LRPPRC: variants seen among roughly 807,000 people sequenced by gnomAD.
The protein encoded by LRPPRC is leucine rich pentatricopeptide repeat containing, also known as leucine-rich PPR motif-containing protein, mitochondrial.
A neutral mutation model predicts 180.3 loss-of-function variants in LRPPRC; 120 were observed. The ratio of observed to expected loss-of-function variants is 0.67; its 90% confidence interval spans 0.57 to 0.77. The LOEUF is 0.77. Among genes scored for constraint, LRPPRC ranks in the 30% least tolerant of loss-of-function variants. LRPPRC has a pLI of 0.00. For synonymous variants in LRPPRC, 723 were observed against 600.0 expected (o/e 1.21, Z -3.00); for missense variants, 2,012 against 1,657.2 (o/e 1.21, Z -3.72).
intron 23 of LRPPRC, among the ~76,000 whole-genome samples, chr2:43,942,958 C>T (rs1672538000): frequency 6.6e-6 from 1 of 151,912 alleles, no homozygotes; most frequent in African/African-American, 2.4e-5. Flanking sequence ...CCAGTGCAGT[C>T]TCCATGTAAT....
At chr2:43,922,754 T>C (rs1671743327) in intron 27 of LRPPRC, among the ~76,000 whole-genome samples, 1 of 152,108 alleles carries the variant, frequency 6.6e-6, no homozygotes, top group African/African-American at 2.4e-5. Context: ...ATTCATATCT[T>C]ATGTTCCATT....
rs59338949 is a variant in LRPPRC at position 43,950,421 on chromosome 2, C to T, written c.1677+152G>A. 0.13 allele frequency: 93,438 copies of T among 692,868 alleles called. 8,349 individuals are homozygous for T. The highest frequency in any genetic ancestry group is 0.33 in the African/African-American group (18,266 of 55,576). 42.9% of individuals were successfully genotyped at this position (692,868 alleles called of 1,614,324 possible). A position where few individuals can be genotyped will look rare whatever the true frequency, so the allele number is the denominator to read the frequency against. ...TTGGATTCACAAACACTAAAAGACA[C>T]ACATAACTATTATTTTTCAACATTA... is the stretch of plus-strand genomic sequence containing the variant. On this transcript the variant is annotated intron_variant, in intron 15 of 37. Coordinates refer to ENST00000260665, the MANE Select transcript of LRPPRC (RefSeq NM_133259.4).
At position 43,914,526 on chromosome 2, in the gene LRPPRC, G is replaced by A. The variant is rs1286502622; in HGVS notation, c.3149-1968C>T. ...GAGGATCACTTGAGGTTGGGAGTTC[G>A]ACACCAGCCTAGACAACGTAGTGAA... On this transcript the variant is annotated intron_variant, in intron 29 of 37. Coordinates refer to ENST00000260665, the MANE Select transcript of LRPPRC (RefSeq NM_133259.4). Among the ~76,000 whole-genome samples the A allele has an allele frequency of 5.9e-5, 9 of 151,694 alleles. No homozygotes were observed. In the East Asian group the frequency reaches 1.6e-3, roughly 26 times the overall value.
intron 22 of LRPPRC, 44 bp downstream of exon 22, chr2:43,945,288 C>T (rs376033765): frequency 4.8e-6 from 6 of 1,247,820 alleles, no homozygotes; most frequent in Non-Finnish European, 7.1e-6. Flanking sequence ...ATTCCAGTGG[C>T]AAGATACTTG....
At chr2:43,928,302 C>A (rs115385571) in intron 25 of LRPPRC, among the ~76,000 whole-genome samples, 2,102 of 152,220 alleles carry the variant, frequency 0.014, 43 homozygotes, top group African/African-American at 0.047. Flanking sequence ...CCATAAAAAG[C>A]TTATCATAAG....
chr2:43,909,541 T>C (rs1033582096), intron 30 of LRPPRC, among the ~76,000 whole-genome samples: 3 of 151,824 alleles, frequency 2.0e-5, no homozygotes, highest in Non-Finnish European at 4.4e-5. Context: ...CAGCTAACAA[T>C]ACTGTATTTA....
intron 1 of LRPPRC, 167 bp downstream of exon 1, chr2:43,995,632 C>CCA: frequency 1.6e-6 from 1 of 610,434 alleles, no homozygotes; most frequent in South Asian, 4.0e-5. Flanking sequence ...TTAACCCTGT[C>CCA]ACCCGAAAAC....
chr2:43,900,866 C>A (rs1185987965), intron 32 of LRPPRC, among the ~76,000 whole-genome samples: 1 of 152,074 alleles, frequency 6.6e-6, no homozygotes. Flanking sequence ...CTAAATACCT[C>A]CCTTTTTGTG....
In LRPPRC at chr2:43,929,245, C is replaced by T. The variant is rs115491541; in HGVS notation, c.2737-3284G>A. Among the ~76,000 whole-genome samples, 632 of 152,222 alleles carry T rather than the reference C, an allele frequency of 4.2e-3. 6 individuals carry two copies. Among genetic ancestry groups the T allele is most frequent in the African/African-American group, 0.014 (590 of 41,542 alleles). ...AGCACTTCCAGCATCACTAGTGATACTGTGTATGGATGTCATGGTGTTATT... is the reference window on the plus strand; with the variant it reads ...AGCACTTCCAGCATCACTAGTGATATTGTGTATGGATGTCATGGTGTTATT... On this transcript the variant is annotated intron_variant, in intron 25 of 37. Transcript: ENST00000260665.
At chr2:43,994,372 T>C in intron 1 of LRPPRC, among the ~76,000 whole-genome samples, 1 of 152,284 alleles carries the variant, frequency 6.6e-6, no homozygotes, top group South Asian at 2.1e-4. Context: ...TCCATGAAGG[T>C]CCGCATAACC....
At chr2:43,946,719 A>G (rs1437453586) in intron 20 of LRPPRC, among the ~76,000 whole-genome samples, 1 of 152,100 alleles carries the variant, frequency 6.6e-6, no homozygotes, top group Non-Finnish European at 1.5e-5. Context: ...CTAAAACTAC[A>G]AGTTTATGGC....
intron 1 of LRPPRC, among the ~76,000 whole-genome samples, 198 bp downstream of exon 1, chr2:43,995,601 G>C (rs1468877517): frequency 6.6e-6 from 1 of 152,232 alleles, no homozygotes; most frequent in East Asian, 1.9e-4. Context: ...CATGCCCACA[G>C]CCGTGACCTT....
intron 14 of LRPPRC, among the ~76,000 whole-genome samples, chr2:43,953,538 T>G (rs1672987330): frequency 6.6e-6 from 1 of 152,072 alleles, no homozygotes; most frequent in Non-Finnish European, 1.5e-5. Context: ...AACTTTAAAG[T>G]GGAAAGTTAA....
At chr2:43,926,824 G>A (rs527874417) in intron 25 of LRPPRC, among the ~76,000 whole-genome samples, 4 of 152,266 alleles carry the variant, frequency 2.6e-5, no homozygotes, top group Admixed American at 6.5e-5. Context: ...AATGCTTTGC[G>A]AACTTCACAG....
intron 1 of LRPPRC, among the ~76,000 whole-genome samples, chr2:43,987,442 C>G (rs907133070): frequency 6.9e-6 from 1 of 145,754 alleles, no homozygotes; most frequent in Non-Finnish European, 1.5e-5. Flanking sequence ...TTGCAGTGAG[C>G]CGAGATAGCG....
Position 43,934,802 on chromosome 2 carries a change from C to T in LRPPRC, c.2581G>A (p.Val861Ile), listed in dbSNP as rs1558967147. 5 of 1,610,796 alleles carry T rather than the reference C, an allele frequency of 3.1e-6. No homozygotes were observed. The highest frequency in any genetic ancestry group is 3.4e-6 in the Non-Finnish European group (4 of 1,177,048). ...CCTTTCTCTACCAGTTTACACAAGA[C>T]ATCATGAATCCTTGGTAATACTTTA... ...KYKVLPRIHD[V>I]LCKLVEKGET... Residue 861 changes from valine (V) to isoleucine (I), a missense_variant, in exon 24 of 38, where the codon GTC becomes ATC. By Grantham distance (29) the Val-to-Ile change is conservative. Coordinates refer to ENST00000260665, the MANE Select transcript of LRPPRC (RefSeq NM_133259.4).
At position 43,973,589 on chromosome 2, in the gene LRPPRC, T is replaced by A; in HGVS notation, c.1369+18A>T. The stretch of plus-strand genomic sequence containing the variant: ...GGCTCTGGGAACCATTACAAATCGG[T>A]AAAAGGCAAAATCTAACCTTGAACA... On this transcript the variant is annotated intron_variant, in intron 11 of 37. Coordinates refer to ENST00000260665, the MANE Select transcript of LRPPRC (RefSeq NM_133259.4). The A allele has an allele frequency of 6.4e-7, 1 of 1,562,152 alleles. No individual in the cohort carries two copies. The highest frequency in any genetic ancestry group is 1.4e-5 in the African/African-American group (1 of 74,006).
At chr2:43,927,983 G>C (rs1671950240) in intron 25 of LRPPRC, among the ~76,000 whole-genome samples, 1 of 151,706 alleles carries the variant, frequency 6.6e-6, no homozygotes, top group Non-Finnish European at 1.5e-5. Flanking sequence ...TAAAAACATG[G>C]AGAAGAATAG....
chr2:43,927,528 T>A (rs1412008271), intron 25 of LRPPRC, among the ~76,000 whole-genome samples: 1 of 152,222 alleles, frequency 6.6e-6, no homozygotes, highest in East Asian at 1.9e-4. Context: ...GGATTTTTCT[T>A]ACGTTATTTG....
Sources: gnomAD v4.1 joint callset for allele counts (sites outside exome capture counted in the v4.1 genomes callset) on GRCh38, gnomAD v4.1.1 for gene constraint, MANE v1.5 for transcripts, NCBI Gene and HGNC (gene_info 2026-07-23, HGNC 2026-07-21) for gene names.